The following ALDH1A2 variants were observed in gnomAD, a reference collection of about 807,000 sequenced individuals.
The protein encoded by ALDH1A2 is retinal dehydrogenase 2.
Under a neutral mutation model 60.3 loss-of-function variants are expected in ALDH1A2, and 27 were observed. That is an observed-to-expected ratio of 0.45 (90% CI 0.33 to 0.62). The LOEUF (loss-of-function observed/expected upper bound fraction) is 0.62. ALDH1A2 is among the 20% of genes least tolerant of loss of function. The probability of loss-of-function intolerance (pLI) is 0.02; values close to 1 mark genes in which losing one functional copy is unlikely to be tolerated. For missense variants in ALDH1A2, 581 were observed against 643.8 expected (o/e 0.90, Z 1.06); for synonymous variants, 289 against 232.4 (o/e 1.24, Z -2.21).
intron 7 of ALDH1A2, among the ~76,000 whole-genome samples, chr15:57,981,201 C>A (rs1250349682): frequency 6.6e-6 from 1 of 151,772 alleles, no homozygotes; most frequent in African/African-American, 2.4e-5. Flanking sequence ...ATCTAGTACA[C>A]TATTTTACCA....
intron 9 of ALDH1A2, among the ~76,000 whole-genome samples, chr15:57,963,025 C>G (rs1225538717): frequency 6.6e-6 from 1 of 152,152 alleles, no homozygotes; most frequent in Non-Finnish European, 1.5e-5. Flanking sequence ...CTAAAGTACA[C>G]GAGGCCTTCA....
chr15:58,034,708 T>TC (rs1896331513), intron 1 of ALDH1A2, among the ~76,000 whole-genome samples: 2 of 151,844 alleles, frequency 1.3e-5, no homozygotes, highest in Middle Eastern at 3.4e-3. Flanking sequence ...AAATACTCTT[T>TC]CTGCATGTAC....
chr15:57,973,098 T>C (rs1894125597), intron 7 of ALDH1A2, among the ~76,000 whole-genome samples: 1 of 152,242 alleles, frequency 6.6e-6, no homozygotes, highest in South Asian at 2.1e-4. Flanking sequence ...TGTAGTTTGC[T>C]TTGATGGTCT....
intron 1 of ALDH1A2, among the ~76,000 whole-genome samples, chr15:58,061,274 G>A (rs367770333): frequency 6.7e-6 from 1 of 150,102 alleles, no homozygotes; most frequent in African/African-American, 2.5e-5. Context: ...TTATGAAAAA[G>A]TATTTAAAAA....
chr15:58,054,444 C>A (rs1896847634), intron 1 of ALDH1A2, among the ~76,000 whole-genome samples: 1 of 152,046 alleles, frequency 6.6e-6, no homozygotes, highest in African/African-American at 2.4e-5. Flanking sequence ...GTTGCTGAAA[C>A]TCAAAGTTTG....
intron 7 of ALDH1A2, among the ~76,000 whole-genome samples, chr15:57,975,614 ATAGT>A (rs1480808689): frequency 1.4e-4 from 22 of 152,346 alleles, no homozygotes; most frequent in African/African-American, 7.2e-5. Flanking sequence ...TGAATTCAGA[ATAGT>A]TAAACTATAT....
chr15:58,054,690 T>G (rs772655739), intron 1 of ALDH1A2, among the ~76,000 whole-genome samples: 1 of 152,026 alleles, frequency 6.6e-6, no homozygotes, highest in East Asian at 1.9e-4. Context: ...TTATCCTCAA[T>G]AGCCTCACAC....
chr15:57,992,008 A>G (rs1313740276), intron 7 of ALDH1A2, among the ~76,000 whole-genome samples: 3 of 152,220 alleles, frequency 2.0e-5, no homozygotes, highest in Non-Finnish European at 4.4e-5. Flanking sequence ...CTGTTTTGGT[A>G]TGGCCTACAA....
chr15:58,065,630 C>T lies in ALDH1A2; in HGVS notation c.21G>A (p.Glu7=), dbSNP rs757014180. 2 of 1,603,276 alleles carry T rather than the reference C, an allele frequency of 1.2e-6. No homozygotes were observed. The highest frequency in any genetic ancestry group is 1.7e-5 in the Admixed American group (1 of 59,062). The change falls in exon 1 of 13, where the codon GAG becomes GAA. Residue 7 remains glutamate (E), a synonymous_variant. Coordinates refer to ENST00000249750, the MANE Select transcript of ALDH1A2 (RefSeq NM_003888.4). MTSSKI[E]MPGEVKADPA... ...GGTCGGCCTTCACCTCGCCGGGCAT[C>T]TCTATCTTGCTGGAAGTCATGGTGG...
intron 4 of ALDH1A2, among the ~76,000 whole-genome samples, chr15:57,995,724 C>A (rs28544554): frequency 0.026 from 3,962 of 152,088 alleles, 171 homozygotes; most frequent in African/African-American, 0.089. Context: ...CTAAAAAGAA[C>A]TCCATCAATA....
chr15:58,015,995 T>TA (rs1395006633), intron 1 of ALDH1A2, among the ~76,000 whole-genome samples: 1 of 152,186 alleles, frequency 6.6e-6, no homozygotes, highest in Non-Finnish European at 1.5e-5. Context: ...ATTAAAAAGT[T>TA]AGTTTCATTA....
chr15:58,032,675 G>A (rs182686687), intron 1 of ALDH1A2, among the ~76,000 whole-genome samples: 11 of 151,870 alleles, frequency 7.2e-5, no homozygotes, highest in African/African-American at 2.2e-4. Flanking sequence ...TCCCACTATT[G>A]GTTATCTATC....
At position 57,964,005 on chromosome 15, in the gene ALDH1A2, T is replaced by G. The variant is rs775758977; in HGVS notation, c.966A>C (p.Ala322=). The part of the protein sequence containing the change: ...VFFNQGQCCT[A]GSRIFVEESI... ...ACTCCTCCACGAAGATGCGAGAGCC[T>G]GCAGTGCAGCACTGACCTTGATTGA... The change falls in exon 9 of 13, where the codon GCA becomes GCC. Residue 322 remains alanine, a synonymous_variant. Transcript: ENST00000249750. 2.5e-6 allele frequency: 4 copies of G among 1,614,084 alleles called. No homozygotes were observed. The South Asian group carries it at 4.4e-5, about 18-fold the overall frequency.
chr15:57,958,143 G>T (rs1038447515), intron 12 of ALDH1A2, among the ~76,000 whole-genome samples: 8 of 152,134 alleles, frequency 5.3e-5, no homozygotes, highest in Admixed American at 1.3e-4. Context: ...TGGGTCCCTA[G>T]ATACGCATGC....
At chr15:58,045,674 C>T (rs986869999) in intron 1 of ALDH1A2, among the ~76,000 whole-genome samples, 7 of 152,072 alleles carry the variant, frequency 4.6e-5, no homozygotes, top group African/African-American at 1.7e-4. Flanking sequence ...TATTCTCACT[C>T]ATAAGCAGGA....
chr15:58,021,192 G>T (rs1195616785), intron 1 of ALDH1A2, among the ~76,000 whole-genome samples: 4 of 152,082 alleles, frequency 2.6e-5, no homozygotes, highest in Non-Finnish European at 5.9e-5. Flanking sequence ...ATTTTAACTA[G>T]CAAGTTTAAT....
In ALDH1A2 at chr15:58,058,238, C is replaced by T. The variant is rs1407878866; in HGVS notation, c.117+7296G>A. 7.0e-6 allele frequency: 4 copies of T among 575,150 alleles called. No individual in the cohort carries two copies. The African/African-American group carries it at 7.5e-5, about 11-fold the overall frequency. 35.6% of individuals were successfully genotyped at this position (575,150 alleles called of 1,614,324 possible). On this transcript the variant is annotated intron_variant, in intron 1 of 12. Coordinates refer to ENST00000249750, the MANE Select transcript of ALDH1A2 (RefSeq NM_003888.4). ...GTGCCACTATCACACACATCTCAGTCTGGAAATCTGGTATATGAGTGTTAG... is the reference window on the plus strand; with the variant it reads ...GTGCCACTATCACACACATCTCAGTTTGGAAATCTGGTATATGAGTGTTAG...
chr15:57,995,095 A>G lies in ALDH1A2; in HGVS notation c.538T>C (p.Cys180Arg). 6.2e-7 allele frequency: 1 copy of G among 1,613,110 alleles called. No homozygotes were observed. The highest frequency in any genetic ancestry group is 8.5e-7 in the Non-Finnish European group (1 of 1,179,284). Residue 180 changes from cysteine to arginine, a missense_variant, in exon 5 of 13, where the codon TGT becomes CGT. This residue lies in a region of ALDH1A2 where 375 missense variants were observed against 469.7 expected (regional missense o/e 0.80). Coordinates refer to ENST00000249750, the MANE Select transcript of ALDH1A2 (RefSeq NM_003888.4). ...TFTRHEPIGV[C>R]GQIIPWNFPL... ...ACACTCACTGGGATGATCTGTCCACACACTCCAATGGGTTCATGTCTTGTA... is the reference window on the plus strand; with the variant it reads ...ACACTCACTGGGATGATCTGTCCACGCACTCCAATGGGTTCATGTCTTGTA...
chr15:57,977,206 G>C (rs1894289989), intron 7 of ALDH1A2, among the ~76,000 whole-genome samples: 2 of 151,828 alleles, frequency 1.3e-5, no homozygotes, highest in African/African-American at 4.8e-5. Context: ...TAGGTTGCCT[G>C]TTCACTCTGA....
Sources: gnomAD v4.1 joint callset for allele counts (sites outside exome capture counted in the v4.1 genomes callset) on GRCh38, gnomAD v4.1.1 for gene constraint, gnomAD v4.1.1 regional missense constraint, MANE v1.5 for transcripts, NCBI Gene and HGNC (gene_info 2026-07-23, HGNC 2026-07-21) for gene names.